Variants in TAB2 observed in about 807,000 individuals in gnomAD.
TAB2 encodes the protein TGF-beta-activated kinase 1 and MAP3K7-binding protein 2.
A neutral mutation model predicts 65.0 loss-of-function variants in TAB2; 3 were observed. The ratio of observed to expected loss-of-function variants is 0.05; its 90% CI spans 0.02 to 0.12. TAB2 has a LOEUF of 0.12. Among genes scored for constraint, TAB2 ranks in the 10% least tolerant of loss-of-function variants. The pLI is 1.00. For missense variants in TAB2, 623 were observed against 840.3 expected, an observed-to-expected ratio of 0.74 and a Z score of 3.20; for synonymous variants, 298 against 285.1, an observed-to-expected ratio of 1.05 and a Z score of -0.46.
chr6:149,342,020 T>C (rs915813579), intron 1 of TAB2, among the ~76,000 whole-genome samples: 10 of 141,734 alleles, frequency 7.1e-5, no homozygotes, highest in Non-Finnish European at 1.4e-4. Flanking sequence ...TTTTTGGTTT[T>C]TGTTTTATAT....
Position 149,378,724 on chromosome 6 carries a change from C to G in TAB2, c.809C>G (p.Ser270Cys), listed in dbSNP as rs767459040. 5 of 1,614,116 alleles carry G rather than the reference C, an allele frequency of 3.1e-6. No homozygotes were observed. The East Asian group carries it at 8.9e-5, about 29-fold the overall frequency. ...PASNPLSHTSSQQPNQQGHQT... is the reference protein window; with the variant it reads ...PASNPLSHTSCQQPNQQGHQT... ...TCTAATCCTCTGTCACATACCTCAT[C>G]TCAACAGCCAAATCAGCAAGGCCAC... is the stretch of plus-strand genomic sequence containing the variant. The change falls in exon 3 of 7, where the codon TCT (serine) becomes TGT (cysteine). Residue 270 changes from serine (S) to cysteine (C), a missense_variant. By Grantham distance (112) the Ser-to-Cys change is moderately radical. Around this residue, in one of 3 missense-constraint regions of TAB2, gnomAD observed 550 missense variants for 665.7 expected, o/e 0.83. Coordinates refer to ENST00000637181, the MANE Select transcript of TAB2 (RefSeq NM_001292034.3).
chr6:149,371,176 T>G (rs1413452435), intron 2 of TAB2, among the ~76,000 whole-genome samples: 1 of 152,088 alleles, frequency 6.6e-6, no homozygotes, highest in Non-Finnish European at 1.5e-5. Flanking sequence ...AATCTGTAAT[T>G]TATAATAATG....
intron 1 of TAB2, among the ~76,000 whole-genome samples, chr6:149,261,371 G>A (rs1051452600): frequency 1.3e-5 from 2 of 152,128 alleles, no homozygotes; most frequent in Non-Finnish European, 2.9e-5. Context: ...TATAAAATAT[G>A]CATTTACTGG....
intron 1 of TAB2, among the ~76,000 whole-genome samples, chr6:149,302,239 T>C (rs763556104): frequency 1.1e-4 from 16 of 152,210 alleles, no homozygotes; most frequent in Non-Finnish European, 2.1e-4. Context: ...ACATTACATA[T>C]ATGCACTTTA....
At chr6:149,399,859 CAT>C (rs1313057428) in intron 6 of TAB2, among the ~76,000 whole-genome samples, 2 of 152,064 alleles carry the variant, frequency 1.3e-5, no homozygotes, top group Non-Finnish European at 2.9e-5. Context: ...TTAATGGATA[CAT>C]AATATTAAAA....
chr6:149,379,078 A>G lies in TAB2; in HGVS notation c.1163A>G (p.Tyr388Cys), dbSNP rs768343711. 5.6e-6 allele frequency: 9 copies of G among 1,614,090 alleles called. No homozygotes were observed. The highest frequency in any genetic ancestry group is 5.0e-5 in the Admixed American group (3 of 60,012). ...ELMSRSQPKV[Y>C]ISANAATGDE... ...ATGTCCCGTAGTCAACCTAAGGTCT[A>G]TATTTCAGCGAATGCTGCCACAGGA... is the stretch of plus-strand genomic sequence containing the variant. Residue 388 changes from tyrosine (Y) to cysteine (C), a missense_variant, in exon 3 of 7, where the codon TAT becomes TGT. Physicochemically the swap from Tyr to Cys is radical, Grantham distance 194. Coordinates refer to ENST00000637181, the MANE Select transcript of TAB2 (RefSeq NM_001292034.3).
intron 3 of TAB2, among the ~76,000 whole-genome samples, chr6:149,382,662 GTCTT>G (rs1019735072): frequency 3.3e-4 from 50 of 151,970 alleles, no homozygotes; most frequent in African/African-American, 1.1e-3. Flanking sequence ...ATCATATAAT[GTCTT>G]TCTTTCCAGA....
intron 3 of TAB2, among the ~76,000 whole-genome samples, chr6:149,395,656 G>T (rs989513899): frequency 6.7e-6 from 1 of 150,164 alleles, no homozygotes; most frequent in Non-Finnish European, 1.5e-5. Flanking sequence ...GACAATGTCT[G>T]CTGCTCCCCT....
intron 1 of TAB2, among the ~76,000 whole-genome samples, chr6:149,231,035 C>A (rs774550674): frequency 6.6e-6 from 1 of 152,156 alleles, no homozygotes; most frequent in African/African-American, 2.4e-5. Context: ...TCCCAATGGG[C>A]GCTCTCAGAA....
intron 3 of TAB2, among the ~76,000 whole-genome samples, chr6:149,390,717 C>A (rs1298775433): frequency 6.6e-6 from 1 of 152,116 alleles, no homozygotes; most frequent in Non-Finnish European, 1.5e-5. Context: ...TTATTTTTAA[C>A]AACAACTAAG....
chr6:149,369,821 C>A, intron 1 of TAB2, 88 bp from the exon 2 acceptor site: 1 of 629,304 alleles, frequency 1.6e-6, no homozygotes, highest in South Asian at 1.9e-5. Context: ...TGCTAAAGCA[C>A]ATATTCTTTT....
chr6:149,409,217 A>C (rs1782761460), intron 6 of TAB2, among the ~76,000 whole-genome samples: 1 of 152,222 alleles, frequency 6.6e-6, no homozygotes. Flanking sequence ...AATGAGACTT[A>C]TGTACACTGA....
intron 1 of TAB2, among the ~76,000 whole-genome samples, chr6:149,273,277 T>C (rs1041706346): frequency 6.6e-6 from 1 of 152,170 alleles, no homozygotes; most frequent in Admixed American, 6.5e-5. Context: ...GATGAGCTCC[T>C]CTCTGCCGAG....
chr6:149,323,674 A>G (rs559387675), intron 1 of TAB2, among the ~76,000 whole-genome samples: 15 of 152,180 alleles, frequency 9.9e-5, no homozygotes, highest in South Asian at 2.1e-4. Context: ...TCCTCTACCT[A>G]AAGAATAATA....
At chr6:149,308,657 T>C (rs1779112563) in intron 1 of TAB2, among the ~76,000 whole-genome samples, 1 of 151,778 alleles carries the variant, frequency 6.6e-6, no homozygotes, top group Non-Finnish European at 1.5e-5. Flanking sequence ...GCCTCCCGAG[T>C]AGCTGGGATT....
chr6:149,223,124 A>G (rs1453003022), intron 1 of TAB2, among the ~76,000 whole-genome samples: 1 of 152,244 alleles, frequency 6.6e-6, no homozygotes, highest in East Asian at 1.9e-4. Flanking sequence ...TGAGTTTACA[A>G]AAAACAAACT....
intron 1 of TAB2, among the ~76,000 whole-genome samples, chr6:149,222,161 G>A (rs1047296924): frequency 1.3e-4 from 20 of 152,108 alleles, no homozygotes; most frequent in African/African-American, 4.6e-4. Flanking sequence ...TGATTCTCTG[G>A]CCTCCAGATT....
chr6:149,336,491 A>G (rs1422519691), intron 1 of TAB2, among the ~76,000 whole-genome samples: 1 of 152,186 alleles, frequency 6.6e-6, no homozygotes, highest in Non-Finnish European at 1.5e-5. Flanking sequence ...GTGTAAGCAC[A>G]TAGCACATGT....
intron 1 of TAB2, among the ~76,000 whole-genome samples, chr6:149,251,476 C>T (rs1192044363): frequency 6.6e-6 from 1 of 152,202 alleles, no homozygotes; most frequent in African/African-American, 2.4e-5. Context: ...TTCAATAAAA[C>T]AATGATAGAA....
Sources: allele counts gnomAD v4.1 joint callset (sites outside exome capture counted in the v4.1 genomes callset), GRCh38; gene constraint gnomAD v4.1.1; regional missense constraint gnomAD v4.1.1; transcripts MANE v1.5; gene names NCBI Gene and HGNC (gene_info 2026-07-23, HGNC 2026-07-21).